Variants in ZFPM1 observed in about 807,000 individuals in gnomAD.
ZFPM1 encodes the protein zinc finger protein, FOG family member 1.
Under a neutral mutation model 46.3 loss-of-function variants are expected in ZFPM1, and 28 were observed. That is an observed-to-expected ratio of 0.60 (90% CI 0.45 to 0.83). The LOEUF (loss-of-function observed/expected upper bound fraction) is 0.83. ZFPM1 is among the 40% of genes least tolerant of loss of function. ZFPM1 has a pLI of 0.00. For missense variants in ZFPM1, 1,878 were observed against 1,432.4 expected (o/e 1.31, Z -5.02); for synonymous variants, 957 against 675.9 (o/e 1.42, Z -6.45).
intron 3 of ZFPM1, among the ~76,000 whole-genome samples, chr16:88,491,906 G>A (rs373326975): frequency 1.6e-3 from 237 of 152,298 alleles, no homozygotes; most frequent in African/African-American, 5.5e-3. Context: ...TATCTCTCGG[G>A]GCGGCCCGTG....
chr16:88,495,751 G>A (rs1470727998), intron 3 of ZFPM1, among the ~76,000 whole-genome samples: 1 of 152,218 alleles, frequency 6.6e-6, no homozygotes, highest in Non-Finnish European at 1.5e-5. Context: ...GGCCCCGGAT[G>A]GAAGGTGAGT....
intron 6 of ZFPM1, among the ~76,000 whole-genome samples, chr16:88,528,902 G>A (rs189759673): frequency 2.9e-4 from 44 of 152,312 alleles, no homozygotes; most frequent in African/African-American, 1.0e-3. Flanking sequence ...GGACAGAGCC[G>A]CCCCTGGGGA....
chr16:88,462,963 G>A (rs993626595), intron 1 of ZFPM1, among the ~76,000 whole-genome samples: 9 of 152,008 alleles, frequency 5.9e-5, no homozygotes, highest in African/African-American at 1.2e-4. Context: ...AACAGGGCAG[G>A]GGCCCCCCTC....
chr16:88,510,344 G>A (rs1435923427), intron 3 of ZFPM1, among the ~76,000 whole-genome samples: 2 of 152,218 alleles, frequency 1.3e-5, no homozygotes, highest in East Asian at 3.9e-4. Context: ...CCCACTCTGT[G>A]GGGTTGGCTC....
intron 3 of ZFPM1, among the ~76,000 whole-genome samples, chr16:88,504,423 C>A (rs12709091): frequency 6.6e-6 from 1 of 152,010 alleles, no homozygotes; most frequent in Non-Finnish European, 1.5e-5. Context: ...CCTCTCCCCA[C>A]TTCCCAGGCG....
At chr16:88,503,023 G>A (rs960976316) in intron 3 of ZFPM1, among the ~76,000 whole-genome samples, 35 of 152,378 alleles carry the variant, frequency 2.3e-4, no homozygotes, top group Admixed American at 1.3e-4. Flanking sequence ...CGGTCTCTTC[G>A]GCAGGTGGGA....
At chr16:88,514,824 G>A (rs1911194496) in intron 4 of ZFPM1, among the ~76,000 whole-genome samples, 1 of 152,220 alleles carries the variant, frequency 6.6e-6, no homozygotes, top group Non-Finnish European at 1.5e-5. Context: ...TTCAAGGGGA[G>A]GGAGGAACAA....
chr16:88,502,112 C>T (rs1299816530), intron 3 of ZFPM1, among the ~76,000 whole-genome samples: 3 of 127,084 alleles, frequency 2.4e-5, no homozygotes, highest in African/African-American at 6.3e-5. Flanking sequence ...ATTTATTTAT[C>T]TCTCCTCCTT....
intron 1 of ZFPM1, 119 bp downstream of exon 1, chr16:88,453,797 G>C: frequency 1.8e-6 from 1 of 545,912 alleles, no homozygotes; most frequent in South Asian, 7.5e-5. Flanking sequence ...TTCACCCCGC[G>C]CCGCGCCCCC....
At chr16:88,491,657 C>T (rs1050569260) in intron 3 of ZFPM1, among the ~76,000 whole-genome samples, 2 of 152,182 alleles carry the variant, frequency 1.3e-5, no homozygotes, top group African/African-American at 2.4e-5. Flanking sequence ...CGGGAAGGGC[C>T]GGGCCCCTGA....
At chr16:88,486,576 G>A (rs1270352252) in intron 2 of ZFPM1, among the ~76,000 whole-genome samples, 1 of 151,316 alleles carries the variant, frequency 6.6e-6, no homozygotes, top group Non-Finnish European at 1.5e-5. Context: ...CACAGTGGGT[G>A]CTAGGTGCAC....
upstream of ZFPM1, among the ~76,000 whole-genome samples, chr16:88,452,164 C>A (rs1247367428): frequency 1.3e-5 from 2 of 152,134 alleles, no homozygotes; most frequent in Non-Finnish European, 2.9e-5. Context: ...AAGTGTAGAC[C>A]GAGAACATTA....
chr16:88,454,763 C>A (rs1215184962), intron 1 of ZFPM1, among the ~76,000 whole-genome samples: 1 of 152,244 alleles, frequency 6.6e-6, no homozygotes, highest in African/African-American at 2.4e-5. Context: ...TCTTCCTCCC[C>A]GGGGCGCCTC....
Position 88,522,354 on chromosome 16 carries a change from T to C in ZFPM1, c.403-4460T>C, listed in dbSNP as rs533100525. ...AGGGTGGGCTGGAGGAAAGACGGGC[T>C]GGGGCCTCAGCAGCCTCAGCCTCAG... On this transcript the variant is annotated intron_variant, in intron 4 of 9. Transcript: ENST00000319555. Among the ~76,000 whole-genome samples, 11 of 152,270 alleles carry C rather than the reference T, an allele frequency of 7.2e-5. No individual in the cohort carries two copies. The East Asian group carries it at 1.5e-3, about 21-fold the overall frequency.
chr16:88,472,385 C>G (rs1224278032), intron 1 of ZFPM1, among the ~76,000 whole-genome samples: 1 of 145,630 alleles, frequency 6.9e-6, no homozygotes, highest in African/African-American at 2.6e-5. Context: ...GACTGAGTCT[C>G]GCTGTGTCGC....
intron 1 of ZFPM1, among the ~76,000 whole-genome samples, chr16:88,466,143 C>A (rs1194868693): frequency 6.6e-6 from 1 of 152,140 alleles, no homozygotes; most frequent in Admixed American, 6.5e-5. Flanking sequence ...GAAATGAGAT[C>A]CTCTGGGAAC....
chr16:88,455,798 C>T (rs1228627071), intron 1 of ZFPM1, among the ~76,000 whole-genome samples: 1 of 152,110 alleles, frequency 6.6e-6, no homozygotes, highest in Non-Finnish European at 1.5e-5. Flanking sequence ...CAGGGCGAGG[C>T]GGGAGCGCGG....
intron 3 of ZFPM1, among the ~76,000 whole-genome samples, chr16:88,502,295 C>G (rs1910406787): frequency 6.6e-6 from 1 of 152,068 alleles, no homozygotes; most frequent in Non-Finnish European, 1.5e-5. Context: ...AAGATGCTAT[C>G]TCGGGTTTAT....
chr16:88,474,398 C>T (rs1908577754), intron 1 of ZFPM1, among the ~76,000 whole-genome samples: 3 of 152,166 alleles, frequency 2.0e-5, no homozygotes, highest in Admixed American at 2.0e-4. Flanking sequence ...CCAGGGTTCC[C>T]CCAGCAGCCC....
Sources: allele counts gnomAD v4.1 joint callset (sites outside exome capture counted in the v4.1 genomes callset), GRCh38; gene constraint gnomAD v4.1.1; transcripts MANE v1.5; gene names NCBI Gene and HGNC (gene_info 2026-07-23, HGNC 2026-07-21).